The following CSMD1 variants were observed in gnomAD, a reference collection of about 807,000 sequenced individuals.
The protein encoded by CSMD1 is CUB and Sushi multiple domains 1, also known as CUB and sushi domain-containing protein 1.
A neutral mutation model predicts 417.5 loss-of-function variants in CSMD1; 213 were observed. The ratio of observed to expected loss-of-function variants is 0.51; its 90% confidence interval spans 0.46 to 0.57. The LOEUF (loss-of-function observed/expected upper bound fraction) is 0.57, where lower values mean the gene tolerates loss of function less well. Ranked by LOEUF, CSMD1 falls within the 20% of genes least tolerant of loss-of-function variation. CSMD1 has a pLI of 0.00. For missense variants in CSMD1, 6,923 were observed against 4,529.7 expected (o/e 1.53, Z -15.17); for synonymous variants, 2,862 against 1,736.8 (o/e 1.65, Z -16.11).
intron 3 of CSMD1, among the ~76,000 whole-genome samples, chr8:4,295,108 AAGATTACACACATATAAT>A (rs1797588951): frequency 2.7e-5 from 4 of 147,116 alleles, no homozygotes; most frequent in African/African-American, 9.9e-5. Context: ...ATATAATCTT[AAGATTACACACATATAAT>A]CTTAAGATTA....
chr8:3,506,104 C>G (rs1796814406), intron 10 of CSMD1, among the ~76,000 whole-genome samples: 1 of 152,138 alleles, frequency 6.6e-6, no homozygotes, highest in Non-Finnish European at 1.5e-5. Flanking sequence ...AAGGAGGTGT[C>G]TCATCGGAGG....
chr8:4,608,075 G>C (rs1230275228), intron 2 of CSMD1, among the ~76,000 whole-genome samples: 12 of 152,128 alleles, frequency 7.9e-5, no homozygotes, highest in Admixed American at 7.2e-4. Flanking sequence ...GGAGGAGATG[G>C]TGCTTGGTGT....
At chr8:4,763,459 T>G (rs1055621450) in intron 1 of CSMD1, among the ~76,000 whole-genome samples, 1 of 152,160 alleles carries the variant, frequency 6.6e-6, no homozygotes, top group Non-Finnish European at 1.5e-5. Flanking sequence ...TTTATAATAG[T>G]GACATGATGA....
At chr8:3,707,487 G>C (rs964685943) in intron 7 of CSMD1, among the ~76,000 whole-genome samples, 2 of 152,170 alleles carry the variant, frequency 1.3e-5, no homozygotes, top group Non-Finnish European at 2.9e-5. Flanking sequence ...TGGGTAGAAA[G>C]TCCTAGAAGA....
At position 4,447,326 on chromosome 8, in the gene CSMD1, G is replaced by C. The variant is rs186798864; in HGVS notation, c.303-27261C>G. Among the ~76,000 whole-genome samples, 52 of 152,290 alleles carry C rather than the reference G, an allele frequency of 3.4e-4. No homozygotes were observed. The East Asian group carries it at 7.2e-3, about 21-fold the overall frequency. On this transcript the variant is annotated intron_variant, in intron 2 of 69. Transcript: ENST00000635120. ...TCATTATTATTACAATGAATTATCAGAATGTGGTCATTCAAAATGCTATAC... is the reference window on the plus strand; with the variant it reads ...TCATTATTATTACAATGAATTATCACAATGTGGTCATTCAAAATGCTATAC...
At chr8:4,934,305 A>G (rs995348508) in intron 1 of CSMD1, among the ~76,000 whole-genome samples, 1 of 152,202 alleles carries the variant, frequency 6.6e-6, no homozygotes, top group Non-Finnish European at 1.5e-5. Flanking sequence ...AGTTGTCCAT[A>G]TCAACATCAA....
chr8:3,933,797 T>C (rs952547424), intron 5 of CSMD1, among the ~76,000 whole-genome samples: 1 of 152,226 alleles, frequency 6.6e-6, no homozygotes, highest in African/African-American at 2.4e-5. Context: ...ATTTTTATAA[T>C]TCAGATCTTG....
At chr8:4,554,218 C>A (rs1182285513) in intron 2 of CSMD1, among the ~76,000 whole-genome samples, 2 of 152,098 alleles carry the variant, frequency 1.3e-5, no homozygotes, top group African/African-American at 4.8e-5. Flanking sequence ...CTCACTGCAA[C>A]CTATGCTTCC....
At chr8:3,984,288 T>C (rs1814139755) in intron 5 of CSMD1, among the ~76,000 whole-genome samples, 2 of 152,282 alleles carry the variant, frequency 1.3e-5, no homozygotes, top group African/African-American at 2.4e-5. Flanking sequence ...CCCAATAAAA[T>C]GTCACACATG....
intron 1 of CSMD1, among the ~76,000 whole-genome samples, chr8:4,671,288 C>T (rs1369619708): frequency 6.6e-6 from 1 of 151,994 alleles, no homozygotes; most frequent in East Asian, 1.9e-4. Context: ...CTGAATGGGC[C>T]CTAGGGAAAC....
chr8:3,271,408 T>G (rs568085223), intron 26 of CSMD1, among the ~76,000 whole-genome samples: 1 of 152,080 alleles, frequency 6.6e-6, no homozygotes, highest in East Asian at 1.9e-4. Flanking sequence ...TGTGTCTTTA[T>G]AGCAGCATGA....
At chr8:3,899,721 G>C (rs1462764712) in intron 5 of CSMD1, among the ~76,000 whole-genome samples, 2 of 152,140 alleles carry the variant, frequency 1.3e-5, no homozygotes, top group African/African-American at 4.8e-5. Context: ...TGTCCTGGTA[G>C]GCTGGCTGAG....
intron 3 of CSMD1, among the ~76,000 whole-genome samples, chr8:4,091,201 G>C (rs55785956): frequency 0.13 from 19,176 of 152,068 alleles, 1,529 homozygotes; most frequent in South Asian, 0.37. Flanking sequence ...TTACGGGCTT[G>C]AACCACCACG....
chr8:3,397,834 C>T (rs1013620742), intron 16 of CSMD1, among the ~76,000 whole-genome samples: 31 of 152,266 alleles, frequency 2.0e-4, no homozygotes, highest in African/African-American at 6.5e-4. Flanking sequence ...GCCTAACACA[C>T]ACCGCCTGGC....
At chr8:3,415,790 G>T (rs1813103356) in intron 12 of CSMD1, among the ~76,000 whole-genome samples, 1 of 152,156 alleles carries the variant, frequency 6.6e-6, no homozygotes, top group African/African-American at 2.4e-5. Context: ...TGGAAAAATG[G>T]AAAAGTATAC....
At chr8:4,313,242 G>T (rs901167462) in intron 3 of CSMD1, among the ~76,000 whole-genome samples, 1 of 152,078 alleles carries the variant, frequency 6.6e-6, no homozygotes, top group Non-Finnish European at 1.5e-5. Flanking sequence ...AACCTAGTTG[G>T]CTAAATTTTC....
At chr8:4,205,702 C>G (rs1432581012) in intron 3 of CSMD1, among the ~76,000 whole-genome samples, 1 of 151,190 alleles carries the variant, frequency 6.6e-6, no homozygotes, top group Non-Finnish European at 1.5e-5. Flanking sequence ...TTCTTCCTAC[C>G]AAATAATAGA....
intron 25 of CSMD1, among the ~76,000 whole-genome samples, chr8:3,292,485 G>T (rs1803652630): frequency 1.3e-5 from 2 of 152,106 alleles, no homozygotes; most frequent in African/African-American, 4.8e-5. Context: ...GGTGTCTAAG[G>T]ACTTGCTTCA....
intron 1 of CSMD1, among the ~76,000 whole-genome samples, chr8:4,752,510 C>T (rs190069012): frequency 2.6e-5 from 4 of 152,188 alleles, no homozygotes; most frequent in East Asian, 1.9e-4. Context: ...AGGGCTAAAA[C>T]GTGAATACCT....
Sources: gnomAD v4.1 joint callset for allele counts (sites outside exome capture counted in the v4.1 genomes callset) on GRCh38, gnomAD v4.1.1 for gene constraint, MANE v1.5 for transcripts, NCBI Gene and HGNC (gene_info 2026-07-23, HGNC 2026-07-21) for gene names.